MYH10: variants seen among roughly 807,000 people sequenced by gnomAD.
MYH10 encodes myosin-10.
MYH10 carries 55 observed loss-of-function variants against 257.8 expected under a neutral mutation model. The ratio of observed to expected loss-of-function variants is 0.21; its 90% CI spans 0.17 to 0.27. MYH10 has a LOEUF of 0.27. Ranked by LOEUF, MYH10 falls within the 10% of genes least tolerant of loss-of-function variation. The pLI is 1.00. For synonymous variants in MYH10, 854 were observed against 921.7 expected (o/e 0.93, Z 1.33); for missense variants, 1,631 against 2,500.6 (o/e 0.65, Z 7.42).
intron 17 of MYH10, among the ~76,000 whole-genome samples, chr17:8,523,812 T>C (rs755209272): frequency 1.3e-5 from 2 of 152,178 alleles, no homozygotes; most frequent in African/African-American, 2.4e-5. Context: ...TTGGATGAAC[T>C]TGATATGCAA....
At chr17:8,580,092 A>C (rs1184035006) in intron 4 of MYH10, among the ~76,000 whole-genome samples, 1 of 152,004 alleles carries the variant, frequency 6.6e-6, no homozygotes, top group Non-Finnish European at 1.5e-5. Flanking sequence ...TTGCCACTGC[A>C]CTCAAGCCTG....
At chr17:8,562,497 G>C (rs1254632250) in intron 7 of MYH10, among the ~76,000 whole-genome samples, 2 of 152,168 alleles carry the variant, frequency 1.3e-5, no homozygotes, top group Admixed American at 1.3e-4. Flanking sequence ...TTTTAAGTGG[G>C]AACGCTATCT....
chr17:8,507,003 T>C (rs2081094873), intron 26 of MYH10, among the ~76,000 whole-genome samples: 1 of 152,232 alleles, frequency 6.6e-6, no homozygotes, highest in Non-Finnish European at 1.5e-5. Flanking sequence ...AATTCTGCAG[T>C]GATCTCTCAG....
chr17:8,601,046 T>C (rs1252689130), intron 3 of MYH10, among the ~76,000 whole-genome samples: 1 of 152,204 alleles, frequency 6.6e-6, no homozygotes, highest in African/African-American at 2.4e-5. Flanking sequence ...CAGGATTCCA[T>C]GAAGATGGTG....
chr17:8,581,832 T>C (rs527498440), intron 4 of MYH10, among the ~76,000 whole-genome samples: 3 of 152,330 alleles, frequency 2.0e-5, no homozygotes, highest in Admixed American at 2.0e-4. Context: ...TATGAATCAA[T>C]AGTTAGGACA....
At chr17:8,538,274 T>C (rs903625489) in intron 14 of MYH10, among the ~76,000 whole-genome samples, 3 of 152,184 alleles carry the variant, frequency 2.0e-5, no homozygotes, top group Non-Finnish European at 2.9e-5. Flanking sequence ...CACGCGATCT[T>C]GGCTCGCTGC....
At chr17:8,565,330 C>T (rs1342899634) in intron 7 of MYH10, among the ~76,000 whole-genome samples, 2 of 152,142 alleles carry the variant, frequency 1.3e-5, no homozygotes, top group East Asian at 3.9e-4. Flanking sequence ...CTTTCAAACC[C>T]CAAGAACCAA....
At chr17:8,573,036 T>C (rs551963115) in intron 6 of MYH10, among the ~76,000 whole-genome samples, 2 of 152,338 alleles carry the variant, frequency 1.3e-5, no homozygotes, top group African/African-American at 2.4e-5. Flanking sequence ...TTCTATAATG[T>C]TATTTTGGAA....
Position 8,589,136 on chromosome 17 carries a change from A to T in MYH10, c.503-28T>A, listed in dbSNP as rs914370682. 22 of 1,608,578 alleles carry T rather than the reference A, an allele frequency of 1.4e-5. No individual in the cohort carries two copies. The Admixed American group carries it at 3.7e-4, about 27-fold the overall frequency. ...ATAAAACAGAACAAAACAAACAAAA[A>T]AAAGAAAGTGACCATTTGCCTGGTT... On this transcript the variant is annotated intron_variant, in intron 3 of 42. Coordinates refer to ENST00000360416, the MANE Select transcript of MYH10 (RefSeq NM_001256012.3).
At chr17:8,501,337 T>C (rs199779995) in intron 28 of MYH10, among the ~76,000 whole-genome samples, 10 of 152,152 alleles carry the variant, frequency 6.6e-5, no homozygotes, top group East Asian at 3.9e-4. Flanking sequence ...CCATGCCATG[T>C]CTGGCTTATC....
chr17:8,589,217 ACTC>A (rs2084028388), intron 3 of MYH10, 109 bp from the exon 4 acceptor site: 3 of 1,114,088 alleles, frequency 2.7e-6, no homozygotes, highest in Non-Finnish European at 3.9e-6. Context: ...ATTAGTAACT[ACTC>A]CTCTCGAGCC....
intron 17 of MYH10, among the ~76,000 whole-genome samples, chr17:8,526,027 A>G (rs4791719): frequency 0.96 from 146,567 of 152,206 alleles, 70,824 homozygotes; most frequent in East Asian, 1. Flanking sequence ...TCCTGACCTT[A>G]TGATCTGCCC....
intron 21 of MYH10, 78 bp downstream of exon 21, chr17:8,518,553 C>T (rs2081551137): frequency 6.8e-7 from 1 of 1,465,416 alleles, no homozygotes; most frequent in Non-Finnish European, 9.4e-7. Context: ...CACACTCTTG[C>T]ACCCCAGGTC....
intron 11 of MYH10, among the ~76,000 whole-genome samples, chr17:8,547,298 C>T (rs1342016861): frequency 6.6e-6 from 1 of 152,118 alleles, no homozygotes; most frequent in African/African-American, 2.4e-5. Context: ...ATATGCCTTA[C>T]TCTGCATTTT....
intron 2 of MYH10, among the ~76,000 whole-genome samples, chr17:8,605,864 A>G (rs1597957248): frequency 6.6e-6 from 1 of 152,378 alleles, no homozygotes; most frequent in Non-Finnish European, 1.5e-5. Context: ...ATAAGAAAAC[A>G]GAATGCAAAA....
chr17:8,517,413 G>T (rs1050431075), intron 21 of MYH10, among the ~76,000 whole-genome samples: 1 of 152,142 alleles, frequency 6.6e-6, no homozygotes, highest in Non-Finnish European at 1.5e-5. Context: ...CTGACTTCCA[G>T]TCCAGGTGTT....
At chr17:8,585,459 A>G (rs2083884049) in intron 4 of MYH10, among the ~76,000 whole-genome samples, 1 of 151,718 alleles carries the variant, frequency 6.6e-6, no homozygotes, top group African/African-American at 2.4e-5. Context: ...TTGGCGGTGG[A>G]CTAAGTTTAT....
intron 3 of MYH10, among the ~76,000 whole-genome samples, chr17:8,597,533 T>C (rs2084424472): frequency 6.6e-6 from 1 of 152,124 alleles, no homozygotes; most frequent in South Asian, 2.1e-4. Context: ...ACTATCTTTA[T>C]ATGTTGCCTT....
chr17:8,498,858 A>C (rs1394252903), intron 30 of MYH10, among the ~76,000 whole-genome samples: 1 of 152,162 alleles, frequency 6.6e-6, no homozygotes, highest in Non-Finnish European at 1.5e-5. Context: ...AAACAAAAAC[A>C]AAAACAAAAA....
Sources: gnomAD v4.1 joint callset for allele counts (sites outside exome capture counted in the v4.1 genomes callset) on GRCh38, gnomAD v4.1.1 for gene constraint, MANE v1.5 for transcripts, NCBI Gene and HGNC (gene_info 2026-07-23, HGNC 2026-07-21) for gene names.